Variants in BACH2 observed in about 807,000 individuals in gnomAD.
BACH2 encodes BACH transcriptional regulator 2.
In BACH2, 5 loss-of-function variants were observed where a neutral mutation model predicts 61.8. The observed-to-expected ratio is 0.08, with a 90% CI of 0.04 to 0.17. The LOEUF is 0.17. BACH2 is among the 10% of genes least tolerant of loss of function. BACH2 has a pLI of 1.00. For synonymous variants in BACH2, 446 were observed against 440.1 expected (o/e 1.01, Z -0.17); for missense variants, 824 against 1,091.1 (o/e 0.76, Z 3.45).
intron 3 of BACH2, among the ~76,000 whole-genome samples, chr6:90,228,059 G>A (rs1769973890): frequency 6.6e-6 from 1 of 152,166 alleles, no homozygotes; most frequent in African/African-American, 2.4e-5. Flanking sequence ...ATCTATTTAA[G>A]ACTTACTGCA....
intron 4 of BACH2, among the ~76,000 whole-genome samples, chr6:90,186,662 C>G (rs963777007): frequency 6.6e-6 from 1 of 152,138 alleles, no homozygotes; most frequent in Admixed American, 6.5e-5. Flanking sequence ...TTTGAGAGCT[C>G]GGTCCTCATG....
chr6:89,967,720 T>C (rs573649792), intron 6 of BACH2, among the ~76,000 whole-genome samples: 2 of 152,312 alleles, frequency 1.3e-5, no homozygotes, highest in East Asian at 3.9e-4. Context: ...GGCACCATTG[T>C]GGTAAAAATA....
chr6:90,093,244 T>C (rs1373189124), intron 4 of BACH2, among the ~76,000 whole-genome samples: 1 of 152,282 alleles, frequency 6.6e-6, no homozygotes, highest in Non-Finnish European at 1.5e-5. Flanking sequence ...TGTCTATCAG[T>C]CTCAAAGAGA....
At chr6:90,241,870 C>CTTTTG (rs956512193) in intron 3 of BACH2, among the ~76,000 whole-genome samples, 3 of 150,842 alleles carry the variant, frequency 2.0e-5, no homozygotes, top group African/African-American at 7.3e-5. Context: ...TTATACAAGG[C>CTTTTG]TTTTGTTTTG....
chr6:90,163,366 C>G (rs1469516254), intron 4 of BACH2, among the ~76,000 whole-genome samples: 5 of 151,332 alleles, frequency 3.3e-5, no homozygotes, highest in Non-Finnish European at 7.4e-5. Context: ...TAAGTATTTA[C>G]AACACAGATT....
At chr6:90,072,042 T>C (rs61307918) in intron 5 of BACH2, among the ~76,000 whole-genome samples, 4,587 of 152,104 alleles carry the variant, frequency 0.03, 210 homozygotes, top group African/African-American at 0.11. Context: ...AAGAGGCAGG[T>C]ACACTCAGTG....
At chr6:89,980,871 T>C (rs1045088444) in intron 6 of BACH2, among the ~76,000 whole-genome samples, 4 of 151,922 alleles carry the variant, frequency 2.6e-5, no homozygotes, top group African/African-American at 9.7e-5. Flanking sequence ...TCAGGTGTCA[T>C]ACTATTGACT....
chr6:90,189,614 CAAA>C (rs59022545), intron 4 of BACH2, among the ~76,000 whole-genome samples: 3 of 47,764 alleles, frequency 6.3e-5, no homozygotes, highest in African/African-American at 2.2e-4. Flanking sequence ...GACTCCGTCT[CAAA>C]AAAAAAAAAA....
At chr6:90,213,822 C>T (rs1282682812) in intron 3 of BACH2, among the ~76,000 whole-genome samples, 1 of 152,136 alleles carries the variant, frequency 6.6e-6, no homozygotes, top group Non-Finnish European at 1.5e-5. Flanking sequence ...GGAAGATCTC[C>T]TGTAAGTCTG....
intron 5 of BACH2, among the ~76,000 whole-genome samples, chr6:90,047,290 G>C (rs1779828918): frequency 6.6e-6 from 1 of 152,212 alleles, no homozygotes. Flanking sequence ...ATGGGGGGCA[G>C]AGGTGGCAGG....
intron 3 of BACH2, among the ~76,000 whole-genome samples, chr6:90,239,241 T>A (rs144669269): frequency 6.6e-6 from 1 of 152,336 alleles, no homozygotes; most frequent in East Asian, 1.9e-4. Context: ...TCTTTGAAAT[T>A]AGGGTTGGCG....
chr6:90,055,853 C>T (rs1347145994), intron 5 of BACH2, among the ~76,000 whole-genome samples: 6 of 152,272 alleles, frequency 3.9e-5, no homozygotes, highest in African/African-American at 1.2e-4. Flanking sequence ...AACCCAGAAT[C>T]TCATATCCAG....
At position 90,006,496 on chromosome 6, in the gene BACH2, T is replaced by A. The variant is rs7763106; in HGVS notation, c.243+2106A>T. On this transcript the variant is annotated intron_variant, in intron 6 of 8. Coordinates refer to ENST00000257749, the MANE Select transcript of BACH2 (RefSeq NM_021813.4). ...AGCTGATCTGTCCTTTTGCTTCTAGTGTTGGGATCTCTCTAGCTACCTACT... is the reference window on the plus strand; with the variant it reads ...AGCTGATCTGTCCTTTTGCTTCTAGAGTTGGGATCTCTCTAGCTACCTACT... Among the ~76,000 whole-genome samples, 613 of 152,340 alleles carry A rather than the reference T, an allele frequency of 4.0e-3. 3 individuals carry two copies. The highest frequency in any genetic ancestry group is 0.013 in the African/African-American group (535 of 41,580).
At chr6:89,959,795 T>A (rs1398188152) in intron 6 of BACH2, among the ~76,000 whole-genome samples, 1 of 152,248 alleles carries the variant, frequency 6.6e-6, no homozygotes, top group East Asian at 1.9e-4. Context: ...ACTTTTCTCA[T>A]ATTTCCCTCT....
intron 4 of BACH2, among the ~76,000 whole-genome samples, chr6:90,102,514 C>T (rs976370459): frequency 3.9e-5 from 6 of 152,022 alleles, no homozygotes; most frequent in African/African-American, 9.7e-5. Flanking sequence ...CTGGGCTGGG[C>T]GTGGTGACTC....
At chr6:90,111,836 C>T (rs891974073) in intron 4 of BACH2, among the ~76,000 whole-genome samples, 2 of 152,204 alleles carry the variant, frequency 1.3e-5, no homozygotes, top group African/African-American at 2.4e-5. Context: ...GAATCTTGTG[C>T]TATGCCATAT....
chr6:90,241,968 G>C (rs1770471362), intron 3 of BACH2, among the ~76,000 whole-genome samples: 1 of 148,224 alleles, frequency 6.7e-6, no homozygotes, highest in Non-Finnish European at 1.5e-5. Flanking sequence ...CTATTTTTTA[G>C]AGCAGTTTTA....
intron 5 of BACH2, among the ~76,000 whole-genome samples, chr6:90,075,056 C>T (rs1056004700): frequency 1.3e-5 from 2 of 152,076 alleles, no homozygotes; most frequent in African/African-American, 4.8e-5. Flanking sequence ...CAGCATGCTG[C>T]ATCAAGAGGA....
At chr6:90,258,435 T>C (rs1170169845) in intron 2 of BACH2, among the ~76,000 whole-genome samples, 2 of 152,222 alleles carry the variant, frequency 1.3e-5, no homozygotes, top group Non-Finnish European at 2.9e-5. Flanking sequence ...TCTGTTTTTA[T>C]GCCTGTATAA....
Sources: gnomAD v4.1 joint callset for allele counts (sites outside exome capture counted in the v4.1 genomes callset) on GRCh38, gnomAD v4.1.1 for gene constraint, MANE v1.5 for transcripts, NCBI Gene and HGNC (gene_info 2026-07-23, HGNC 2026-07-21) for gene names.